GLIS3: variants seen among roughly 807,000 people sequenced by gnomAD.
GLIS3 encodes GLIS family zinc finger 3.
In GLIS3, 53 loss-of-function variants were observed where a neutral mutation model predicts 78.6. The ratio of observed to expected loss-of-function variants is 0.67; its 90% CI spans 0.54 to 0.85. GLIS3 has a LOEUF of 0.85. GLIS3 is among the 40% of genes least tolerant of loss of function. The probability of loss-of-function intolerance (pLI) is 0.00; values close to 1 mark genes in which losing one functional copy is unlikely to be tolerated. For missense variants in GLIS3, 1,703 were observed against 1,231.1 expected, an observed-to-expected ratio of 1.38 and a Z score of -5.74; for synonymous variants, 684 against 509.9, an observed-to-expected ratio of 1.34 and a Z score of -4.60.
At chr9:4,034,327 A>G (rs1377868032) in intron 4 of GLIS3, among the ~76,000 whole-genome samples, 2 of 152,210 alleles carry the variant, frequency 1.3e-5, no homozygotes, top group Non-Finnish European at 2.9e-5. Context: ...TTCTATAATC[A>G]AAAGCAGGAT....
the GLIS3 span, among the ~76,000 whole-genome samples, chr9:4,455,222 T>A: frequency 6.6e-6 from 1 of 152,256 alleles, no homozygotes; most frequent in African/African-American, 2.4e-5. Context: ...TGACTTTGGA[T>A]TGATTTATAT....
chr9:4,111,425 G>T (rs1317790105), intron 4 of GLIS3, among the ~76,000 whole-genome samples: 1 of 152,104 alleles, frequency 6.6e-6, no homozygotes, highest in Non-Finnish European at 1.5e-5. Context: ...TTATTTTAAG[G>T]ACAAAGTTCA....
At chr9:4,001,023 T>C (rs1383705743) in intron 4 of GLIS3, among the ~76,000 whole-genome samples, 1 of 152,222 alleles carries the variant, frequency 6.6e-6, no homozygotes. Flanking sequence ...TGTTTTCAGC[T>C]CAGTTAAACC....
At chr9:4,303,498 C>A (rs1196722502), upstream of GLIS3, among the ~76,000 whole-genome samples, 1 of 152,166 alleles carries the variant, frequency 6.6e-6, no homozygotes, top group Non-Finnish European at 1.5e-5. Context: ...TAATTTGTCA[C>A]AAGTATGTTC....
the GLIS3 span, among the ~76,000 whole-genome samples, chr9:4,399,070 G>A: frequency 1.2e-4 from 18 of 152,230 alleles, no homozygotes; most frequent in African/African-American, 3.6e-4. Flanking sequence ...AACATTTTAC[G>A]ATAACAACCA....
chr9:4,040,028 C>G (rs1824666953), intron 4 of GLIS3, among the ~76,000 whole-genome samples: 1 of 152,112 alleles, frequency 6.6e-6, no homozygotes, highest in African/African-American at 2.4e-5. Context: ...CAGTGGATTC[C>G]AAACAGAGGG....
intron 4 of GLIS3, among the ~76,000 whole-genome samples, chr9:4,010,095 G>T (rs993002341): frequency 1.1e-4 from 16 of 152,132 alleles, no homozygotes; most frequent in African/African-American, 3.9e-4. Flanking sequence ...CCGAGTTGTG[G>T]CAATCAAAAA....
chr9:4,448,736 T>G, the GLIS3 span, among the ~76,000 whole-genome samples: 1 of 152,238 alleles, frequency 6.6e-6, no homozygotes, highest in Non-Finnish European at 1.5e-5. Flanking sequence ...TTTTGATCCC[T>G]AGCACCATGC....
At chr9:4,478,336 A>C in the GLIS3 span, among the ~76,000 whole-genome samples, 3 of 152,164 alleles carry the variant, frequency 2.0e-5, no homozygotes, top group Non-Finnish European at 4.4e-5. Flanking sequence ...GCCCCGGCGC[A>C]GTGGCTCAGA....
chr9:4,094,048 T>C (rs1046884825), intron 4 of GLIS3, among the ~76,000 whole-genome samples: 2 of 152,168 alleles, frequency 1.3e-5, no homozygotes, highest in Non-Finnish European at 2.9e-5. Context: ...GAACTCTGGG[T>C]TCTTCCAGAT....
intron 2 of GLIS3, among the ~76,000 whole-genome samples, chr9:4,192,947 C>G (rs780613192): frequency 5.3e-5 from 8 of 152,198 alleles, no homozygotes; most frequent in Admixed American, 1.3e-4. Flanking sequence ...GCAAGGAGGT[C>G]AGCATTCTGA....
intron 4 of GLIS3, among the ~76,000 whole-genome samples, chr9:4,072,633 T>A (rs1396565281): frequency 6.6e-6 from 1 of 152,158 alleles, no homozygotes; most frequent in Non-Finnish European, 1.5e-5. Flanking sequence ...TTTTTCCTCT[T>A]TATAATTCAC....
chr9:4,369,911 G>T, the GLIS3 span, among the ~76,000 whole-genome samples: 13 of 152,296 alleles, frequency 8.5e-5, no homozygotes, highest in South Asian at 1.2e-3. Flanking sequence ...AGAGAATCAG[G>T]CTTGGCAAGG....
chr9:3,927,105 G>T (rs1473170751), intron 6 of GLIS3, among the ~76,000 whole-genome samples: 3 of 151,982 alleles, frequency 2.0e-5, no homozygotes. Flanking sequence ...TTTTACTGTT[G>T]TTGGACTTTC....
At chr9:4,096,323 C>T (rs1394320526) in intron 4 of GLIS3, among the ~76,000 whole-genome samples, 2 of 152,142 alleles carry the variant, frequency 1.3e-5, no homozygotes, top group East Asian at 1.9e-4. Flanking sequence ...TAAGGACATA[C>T]AGTGAATCAC....
At chr9:3,908,984 T>C (rs760766721) in intron 6 of GLIS3, among the ~76,000 whole-genome samples, 2 of 152,182 alleles carry the variant, frequency 1.3e-5, no homozygotes, top group African/African-American at 2.4e-5. Flanking sequence ...ATCAAAGGCC[T>C]TTTGTTTTCC....
intron 4 of GLIS3, among the ~76,000 whole-genome samples, chr9:4,033,490 G>A (rs1291747186): frequency 6.6e-6 from 1 of 152,126 alleles, no homozygotes; most frequent in African/African-American, 2.4e-5. Flanking sequence ...TCCTGGACGT[G>A]CAGACTCCCT....
At chr9:4,105,390 C>T (rs1830672103) in intron 4 of GLIS3, among the ~76,000 whole-genome samples, 2 of 152,174 alleles carry the variant, frequency 1.3e-5, no homozygotes, top group African/African-American at 4.8e-5. Flanking sequence ...AGACACTTGG[C>T]AGCATCATTC....
chr9:4,081,734 T>C (rs946577570), intron 4 of GLIS3, among the ~76,000 whole-genome samples: 2 of 152,214 alleles, frequency 1.3e-5, no homozygotes, highest in Non-Finnish European at 2.9e-5. Context: ...ATCGGATGCA[T>C]CTCTGTTTTC....
Sources: allele counts gnomAD v4.1 joint callset (sites outside exome capture counted in the v4.1 genomes callset), GRCh38; gene constraint gnomAD v4.1.1; transcripts MANE v1.5; gene names NCBI Gene and HGNC (gene_info 2026-07-23, HGNC 2026-07-21).